Variants in SAMSN1 observed in about 807,000 individuals in gnomAD.
SAMSN1 encodes the protein SAM domain-containing protein SAMSN-1.
Under a neutral mutation model 42.0 loss-of-function variants are expected in SAMSN1, and 31 were observed. The observed-to-expected ratio is 0.74, with a 90% CI of 0.55 to 1.00. The LOEUF is 1.00. SAMSN1 is among the 50% of genes least tolerant of loss of function. SAMSN1 has a pLI of 0.00. For missense variants in SAMSN1, 464 were observed against 439.4 expected, an observed-to-expected ratio of 1.06 and a Z score of -0.50; for synonymous variants, 178 against 151.9, an observed-to-expected ratio of 1.17 and a Z score of -1.26.
At chr21:14,624,536 A>G (rs915759833) in intron 2 of SAMSN1, among the ~76,000 whole-genome samples, 7 of 152,356 alleles carry the variant, frequency 4.6e-5, no homozygotes, top group African/African-American at 1.7e-4. Context: ...GAAGAAATGG[A>G]TAAATTCCTG....
chr21:14,592,083 G>A (rs1277918940), intron 7 of SAMSN1: 2 of 152,184 alleles, frequency 1.3e-5, no homozygotes, highest in African/African-American at 2.4e-5. Flanking sequence ...ACACAAACCA[G>A]CATTGCAAAT....
intron 5 of SAMSN1, among the ~76,000 whole-genome samples, chr21:14,508,281 T>C (rs1007998789): frequency 2.0e-5 from 3 of 151,912 alleles, no homozygotes; most frequent in African/African-American, 7.3e-5. Flanking sequence ...ACCCACAGGG[T>C]GGGAAAAAAT....
At chr21:14,506,410 G>A (rs762759004) in intron 5 of SAMSN1, among the ~76,000 whole-genome samples, 1 of 152,018 alleles carries the variant, frequency 6.6e-6, no homozygotes, top group African/African-American at 2.4e-5. Flanking sequence ...AGGCCACTAC[G>A]AACACCTTTG....
At chr21:14,635,116 G>A (rs1983432680) in intron 2 of SAMSN1, among the ~76,000 whole-genome samples, 1 of 152,172 alleles carries the variant, frequency 6.6e-6, no homozygotes, top group Non-Finnish European at 1.5e-5. Context: ...TCACTCATAA[G>A]TGGGAGTTGA....
Position 14,599,293 on chromosome 21 carries a change from CATA to C in SAMSN1, c.399+2727_399+2729del, listed in dbSNP as rs148976622. Among the ~76,000 whole-genome samples the C allele has an allele frequency of 8.6e-3, 1,312 of 152,200 alleles. 24 individuals carry two copies. Among genetic ancestry groups the C allele is most frequent in the African/African-American group, 0.03 (1,256 of 41,526 alleles). ...GAGGCAGTTTCCCCCATGCTGCTGT[CATA>C]ATAATGAGTGACTCTCATGAGATCT... On this transcript the variant is annotated intron_variant, in intron 6 of 15. Coordinates refer to the SAMSN1 transcript ENST00000647101.
At chr21:14,587,394 T>C (rs1196460271), upstream of SAMSN1, among the ~76,000 whole-genome samples, 1 of 152,202 alleles carries the variant, frequency 6.6e-6, no homozygotes. Context: ...TCAGCAATGT[T>C]GACCACAGTG....
At chr21:14,634,561 G>T (rs986656306) in intron 2 of SAMSN1, among the ~76,000 whole-genome samples, 17 of 152,050 alleles carry the variant, frequency 1.1e-4, no homozygotes, top group African/African-American at 4.1e-4. Context: ...CAAACATGAA[G>T]AAAGGCTCAA....
chr21:14,651,162 C>T (rs902485359), intron 1 of SAMSN1, among the ~76,000 whole-genome samples: 13 of 151,844 alleles, frequency 8.6e-5, no homozygotes, highest in Admixed American at 2.6e-4. Context: ...GAGGGGAATG[C>T]TTCCAAACTC....
intron 2 of SAMSN1, among the ~76,000 whole-genome samples, chr21:14,558,753 A>G (rs1357321147): frequency 2.0e-5 from 3 of 152,130 alleles, no homozygotes; most frequent in Non-Finnish European, 4.4e-5. Context: ...AATTCATAAG[A>G]TATGTCAAAA....
At chr21:14,523,654 T>C (rs1259240026) in intron 1 of SAMSN1, among the ~76,000 whole-genome samples, 1 of 152,208 alleles carries the variant, frequency 6.6e-6, no homozygotes. Flanking sequence ...ATTCTATGGC[T>C]GATTGGAGCC....
At chr21:14,601,460 G>A (rs1600956657) in intron 6 of SAMSN1, among the ~76,000 whole-genome samples, 1 of 152,166 alleles carries the variant, frequency 6.6e-6, no homozygotes, top group South Asian at 2.1e-4. Context: ...CTATCAGAAT[G>A]ATTAAAGAGA....
rs554798609 is a variant in SAMSN1, at chr21:14,544,285, A to G, written c.57+1920T>C. Among the ~76,000 whole-genome samples the G allele has an allele frequency of 6.6e-5, 10 of 152,278 alleles. No homozygotes were observed. The South Asian group carries it at 2.1e-3, about 32-fold the overall frequency. On this transcript the variant is annotated intron_variant, in intron 1 of 7. Coordinates refer to ENST00000400566, the MANE Select transcript of SAMSN1 (RefSeq NM_022136.5). ...AGACTGGGCTGGAACTCCTGAACTC[A>G]AGTGATTTACGCACCTCGGCCCTGC...
intron 2 of SAMSN1, among the ~76,000 whole-genome samples, chr21:14,633,727 C>G (rs1983389219): frequency 6.6e-6 from 1 of 152,170 alleles, no homozygotes; most frequent in African/African-American, 2.4e-5. Context: ...TCAGCCGAGA[C>G]TCCCTAATGG....
intron 2 of SAMSN1, among the ~76,000 whole-genome samples, chr21:14,570,596 A>G (rs978282600): frequency 1.3e-5 from 2 of 152,210 alleles, no homozygotes; most frequent in African/African-American, 4.8e-5. Flanking sequence ...TGGCATCACA[A>G]GAGATGACTT....
At chr21:14,565,636 G>T (rs1271662523) in intron 2 of SAMSN1, among the ~76,000 whole-genome samples, 1 of 152,146 alleles carries the variant, frequency 6.6e-6, no homozygotes, top group Non-Finnish European at 1.5e-5. Context: ...CAATAAGTCT[G>T]AGAGAAAGCT....
Position 14,608,257 on chromosome 21 carries a change from A to C in SAMSN1, c.322+1225T>G, listed in dbSNP as rs150893792. Among the ~76,000 whole-genome samples the C allele has an allele frequency of 2.6e-4, 40 of 152,320 alleles. 1 individual carries two copies. The highest frequency in any genetic ancestry group is 8.4e-4 in the African/African-American group (35 of 41,576). On this transcript the variant is annotated intron_variant, in intron 5 of 15. Coordinates refer to the SAMSN1 transcript ENST00000647101. ...ATTGCTGACTCCACCCTCCTCCTCT[A>C]TCTCCTGGTAGCATCCTCATGGTGC...
chr21:14,525,952 C>T (rs1200878810), intron 1 of SAMSN1, among the ~76,000 whole-genome samples: 1 of 152,098 alleles, frequency 6.6e-6, no homozygotes, highest in Non-Finnish European at 1.5e-5. Flanking sequence ...GCAAACTTCA[C>T]CTCCTGGATT....
chr21:14,588,362 A>C (rs1384631225), upstream of SAMSN1, among the ~76,000 whole-genome samples: 11 of 138,554 alleles, frequency 7.9e-5, no homozygotes, highest in Admixed American at 7.8e-5. Context: ...CAGTCCCACC[A>C]ACAGTGTAAA....
At chr21:14,489,519 A>G (rs1218453417) in intron 7 of SAMSN1, among the ~76,000 whole-genome samples, 2 of 152,122 alleles carry the variant, frequency 1.3e-5, no homozygotes, top group African/African-American at 4.8e-5. Context: ...AAGCCCCCAA[A>G]TGGTTTGTAA....
Sources: gnomAD v4.1 joint callset for allele counts (sites outside exome capture counted in the v4.1 genomes callset) on GRCh38, gnomAD v4.1.1 for gene constraint, MANE v1.5 for transcripts, NCBI Gene and HGNC (gene_info 2026-07-23, HGNC 2026-07-21) for gene names.